AK5: variants seen among roughly 807,000 people sequenced by gnomAD.
AK5 encodes the protein adenylate kinase 5.
A neutral mutation model predicts 69.5 loss-of-function variants in AK5; 27 were observed. The observed-to-expected ratio is 0.39, with a 90% confidence interval of 0.29 to 0.54. The LOEUF (loss-of-function observed/expected upper bound fraction) is 0.54. AK5 is among the 20% of genes least tolerant of loss of function. The probability of loss-of-function intolerance (pLI) is 0.71; values close to 1 mark genes in which losing one functional copy is unlikely to be tolerated. For missense variants in AK5, 531 were observed against 700.4 expected, an observed-to-expected ratio of 0.76 and a Z score of 2.73; for synonymous variants, 260 against 244.4, an observed-to-expected ratio of 1.06 and a Z score of -0.60.
Position 77,330,135 on chromosome 1 carries a change from G to T in AK5, c.700-10242G>T, listed in dbSNP as rs372929640. On this transcript the variant is annotated intron_variant, in intron 5 of 13. Coordinates refer to ENST00000354567, the MANE Select transcript of AK5 (RefSeq NM_174858.3). ...TATTTTCTCCTCAAAAATGAAGAGAGGGAATGAGGTTGGTTATACGTGTGG... is the reference window on the plus strand; with the variant it reads ...TATTTTCTCCTCAAAAATGAAGAGATGGAATGAGGTTGGTTATACGTGTGG... 6.6e-5 allele frequency among the ~76,000 whole-genome samples: 10 copies of T among 152,284 alleles called. No individual in the cohort carries two copies. The East Asian group carries it at 1.7e-3, about 26-fold the overall frequency.
intron 9 of AK5, among the ~76,000 whole-genome samples, chr1:77,485,394 G>A (rs1044746652): frequency 1.3e-5 from 2 of 152,084 alleles, no homozygotes; most frequent in Non-Finnish European, 2.9e-5. Flanking sequence ...ACAAAATGTG[G>A]TATCGTGCAT....
rs1377368050 is a variant in AK5, at chr1:77,391,421, GTATATATATACATATATACATA to G, written c.892-19556_892-19535del. 8.7e-4 allele frequency among the ~76,000 whole-genome samples: 107 copies of G among 123,058 alleles called. 1 individual carries two copies. Among genetic ancestry groups the G allele is most frequent in the African/African-American group, 3.2e-3 (99 of 30,548 alleles). 80.7% of individuals were successfully genotyped at this position (123,058 alleles called of 152,430 possible). The stretch of plus-strand genomic sequence containing the variant: ...TATATATATACACACACATATATAT[GTATATATATACATATATACATA>G]TATGTGTGTGTATATATATATACAC... On this transcript the variant is annotated intron_variant, in intron 6 of 13. Transcript: ENST00000354567.
At chr1:77,435,644 C>CAAAAAAAAAAAAAAAAAAA (rs1202203579) in intron 8 of AK5, among the ~76,000 whole-genome samples, 1 of 66,076 alleles carries the variant, frequency 1.5e-5, no homozygotes, top group African/African-American at 5.7e-5. Flanking sequence ...GACTCTGTCT[C>CAAAAAAAAAAAAAAAAAAA]AAAAAAAAAA....
intron 6 of AK5, among the ~76,000 whole-genome samples, chr1:77,370,099 A>C (rs1276323910): frequency 6.6e-6 from 1 of 152,180 alleles, no homozygotes; most frequent in African/African-American, 2.4e-5. Context: ...GAATAAGTCC[A>C]AAGTGGCAGG....
At chr1:77,282,506 GC>G (rs913561827) in intron 1 of AK5, 133 bp downstream of exon 1, 1 of 1,385,448 alleles carries the variant, frequency 7.2e-7, no homozygotes, top group African/African-American at 1.5e-5. Flanking sequence ...AAGCGCACTC[GC>G]CCGCTCCCCC....
intron 8 of AK5, among the ~76,000 whole-genome samples, chr1:77,438,054 C>G (rs1652062749): frequency 6.6e-6 from 1 of 152,034 alleles, no homozygotes; most frequent in African/African-American, 2.4e-5. Context: ...CTTAGGTGTA[C>G]TGGATAGCTT....
chr1:77,325,908 A>T (rs1660778172), intron 5 of AK5, among the ~76,000 whole-genome samples: 1 of 152,158 alleles, frequency 6.6e-6, no homozygotes, highest in Admixed American at 6.5e-5. Flanking sequence ...AATGAAGAAT[A>T]GTGAGCTAGT....
At position 77,450,119 on chromosome 1, in the gene AK5, T is replaced by A. The variant is rs567814146; in HGVS notation, c.1059+32404T>A. ...CAGCAAGAGTCACCTTTGCTGCAGT[T>A]CCCAACAAGTTCCTCATCTCCATCT... On this transcript the variant is annotated intron_variant, in intron 8 of 13. Transcript: ENST00000354567. Among the ~76,000 whole-genome samples the A allele has an allele frequency of 2.0e-5, 3 of 152,240 alleles. No homozygotes were observed. The East Asian group carries it at 5.8e-4, about 29-fold the overall frequency.
At chr1:77,295,105 T>C (rs1470726401) in intron 3 of AK5, among the ~76,000 whole-genome samples, 2 of 152,212 alleles carry the variant, frequency 1.3e-5, no homozygotes, top group Non-Finnish European at 2.9e-5. Context: ...ACATGCAACA[T>C]GTAGTCATTG....
rs1427934509 is a variant in AK5 at position 77,282,945 on chromosome 1, C to A, written c.60+572C>A. 3.0e-6 allele frequency: 3 copies of A among 985,740 alleles called. No individual in the cohort carries two copies. In the Admixed American group the frequency reaches 1.8e-4, roughly 61 times the overall value. The allele number at this position is 985,740 out of a possible 1,614,324, so 61.1% of individuals were successfully genotyped here. A position where few individuals can be genotyped will look rare whatever the true frequency, so the allele number is the denominator to read the frequency against. On this transcript the variant is annotated intron_variant, in intron 1 of 13. Transcript: ENST00000354567. The stretch of plus-strand genomic sequence containing the variant: ...GTGACAGGCCCCCAGCCTTGCTCTG[C>A]GCTTTCGCTGAATGAACTCCTGAGC...
intron 6 of AK5, among the ~76,000 whole-genome samples, chr1:77,369,641 C>G (rs2100471543): frequency 6.6e-6 from 1 of 152,006 alleles, no homozygotes; most frequent in East Asian, 1.9e-4. Flanking sequence ...AAAAATGGGA[C>G]CATACTTCCT....
intron 13 of AK5, among the ~76,000 whole-genome samples, chr1:77,541,070 CTAA>C (rs1178133818): frequency 1.3e-5 from 2 of 152,134 alleles, no homozygotes; most frequent in African/African-American, 4.8e-5. Context: ...CCACACCCAG[CTAA>C]TGTTTTGTAT....
chr1:77,400,487 AGTT>A (rs1178219027), intron 6 of AK5, among the ~76,000 whole-genome samples: 1 of 152,210 alleles, frequency 6.6e-6, no homozygotes, highest in Non-Finnish European at 1.5e-5. Flanking sequence ...GGCACATAGT[AGTT>A]GTTCAGTAAA....
At chr1:77,550,119 T>C (rs1006552641) in intron 13 of AK5, among the ~76,000 whole-genome samples, 1 of 152,116 alleles carries the variant, frequency 6.6e-6, no homozygotes, top group Non-Finnish European at 1.5e-5. Context: ...GCCTAGCTAA[T>C]TTTTTTATTT....
At chr1:77,284,368 A>G (rs773957850) in intron 1 of AK5, among the ~76,000 whole-genome samples, 3 of 152,252 alleles carry the variant, frequency 2.0e-5, no homozygotes, top group Admixed American at 1.3e-4. Context: ...TTAGCTGTCT[A>G]CTAAACACCA....
chr1:77,424,611 C>T (rs1477359997), intron 8 of AK5, among the ~76,000 whole-genome samples: 1 of 152,128 alleles, frequency 6.6e-6, no homozygotes, highest in Non-Finnish European at 1.5e-5. Context: ...ATCAAAAACA[C>T]TGTAATAGAG....
intron 6 of AK5, among the ~76,000 whole-genome samples, chr1:77,407,176 CA>C (rs933078274): frequency 1.3e-5 from 2 of 151,650 alleles, no homozygotes; most frequent in African/African-American, 4.8e-5. Context: ...AATTTTATTT[CA>C]GATGTTCAAA....
intron 5 of AK5, among the ~76,000 whole-genome samples, chr1:77,319,243 C>A (rs1467804072): frequency 1.3e-5 from 2 of 152,184 alleles, no homozygotes; most frequent in African/African-American, 4.8e-5. Context: ...CCTTTCCTCC[C>A]TTCCTCTGAT....
chr1:77,541,285 G>A lies in AK5; in HGVS notation c.1620+5247G>A, dbSNP rs144876144. Among the ~76,000 whole-genome samples, 98 of 152,208 alleles carry A rather than the reference G, an allele frequency of 6.4e-4. 2 individuals carry two copies. Among genetic ancestry groups the A allele is most frequent in the African/African-American group, 2.2e-3 (91 of 41,562 alleles). On this transcript the variant is annotated intron_variant, in intron 13 of 13. Coordinates refer to ENST00000354567, the MANE Select transcript of AK5 (RefSeq NM_174858.3). ...CAAAAAATACAAAAGTTAGCCAGGCGTGGTGGAACACATCTGTGGTCACAG... is the reference window on the plus strand; with the variant it reads ...CAAAAAATACAAAAGTTAGCCAGGCATGGTGGAACACATCTGTGGTCACAG...
Sources: gnomAD v4.1 joint callset for allele counts (sites outside exome capture counted in the v4.1 genomes callset) on GRCh38, gnomAD v4.1.1 for gene constraint, MANE v1.5 for transcripts, NCBI Gene and HGNC (gene_info 2026-07-23, HGNC 2026-07-21) for gene names.